Variants in TCF20 observed in about 807,000 individuals in gnomAD.
The protein encoded by TCF20 is transcription factor 20, also known as SPRE-binding protein.
A neutral mutation model predicts 148.6 loss-of-function variants in TCF20; 3 were observed. The ratio of observed to expected loss-of-function variants is 0.02; its 90% CI spans 0.01 to 0.05. The LOEUF is 0.05. TCF20 is among the 10% of genes least tolerant of loss of function. The pLI is 1.00. For synonymous variants in TCF20, 1,049 were observed against 909.5 expected (o/e 1.15, Z -2.76); for missense variants, 2,350 against 2,429.3 (o/e 0.97, Z 0.69).
chr22:42,304,776 G>T (rs1377619127), intron 1 of TCF20, among the ~76,000 whole-genome samples: 1 of 152,072 alleles, frequency 6.6e-6, no homozygotes, highest in Non-Finnish European at 1.5e-5. Context: ...CCATACTGAA[G>T]TGCTAGACTT....
intron 4 of TCF20, 103 bp downstream of exon 4, chr22:42,169,744 G>A: frequency 8.3e-7 from 1 of 1,210,260 alleles, no homozygotes; most frequent in East Asian, 2.4e-5. Context: ...CACAGGTGGG[G>A]ACAGGTGTGG....
chr22:42,248,999 G>A (rs1433190565), intron 1 of TCF20, among the ~76,000 whole-genome samples: 1 of 152,210 alleles, frequency 6.6e-6, no homozygotes, highest in Non-Finnish European at 1.5e-5. Flanking sequence ...GTCTGAGTAG[G>A]CAAGGAGAGC....
chr22:42,181,681 C>T (rs1344232998), intron 2 of TCF20, among the ~76,000 whole-genome samples: 1 of 151,104 alleles, frequency 6.6e-6, no homozygotes, highest in Non-Finnish European at 1.5e-5. Context: ...AATCATGGCT[C>T]ACTGCAGTCT....
At chr22:42,222,334 T>C (rs2143138) in intron 1 of TCF20, among the ~76,000 whole-genome samples, 69,304 of 151,958 alleles carry the variant, frequency 0.46, 16,737 homozygotes, top group South Asian at 0.58. Flanking sequence ...TTTACCATGC[T>C]ACCTCATCAT....
intron 2 of TCF20, among the ~76,000 whole-genome samples, chr22:42,194,133 CT>C (rs1937477879): frequency 6.6e-6 from 1 of 152,086 alleles, no homozygotes; most frequent in Non-Finnish European, 1.5e-5. Context: ...AAAAGTGAGT[CT>C]TTATGTGGCT....
intron 1 of TCF20, among the ~76,000 whole-genome samples, chr22:42,221,388 T>C (rs1302268477): frequency 6.6e-6 from 1 of 152,192 alleles, no homozygotes; most frequent in African/African-American, 2.4e-5. Context: ...CCCTGAATGA[T>C]ACAATTAAAC....
intron 5 of TCF20, among the ~76,000 whole-genome samples, chr22:42,164,663 A>G (rs1935672186): frequency 6.6e-6 from 1 of 152,254 alleles, no homozygotes; most frequent in South Asian, 2.1e-4. Flanking sequence ...AGAGACAGGT[A>G]GTAAACAAGT....
rs566409412 is a variant in TCF20, at chr22:42,223,932, A to G, written c.-36-8591T>C. Reference sequence around the variant, plus strand: ...TAGTGTAATAGGACTTCAGAATAAAATGAAGTGTAATGAAGGTGCTGGCTT... The same window carrying G: ...TAGTGTAATAGGACTTCAGAATAAAGTGAAGTGTAATGAAGGTGCTGGCTT... On this transcript the variant is annotated intron_variant, in intron 1 of 5. Coordinates refer to ENST00000677622, the MANE Select transcript of TCF20 (RefSeq NM_001378418.1). 2.0e-5 allele frequency among the ~76,000 whole-genome samples: 3 copies of G among 152,346 alleles called. No individual in the cohort carries two copies. In the South Asian group the frequency reaches 6.2e-4, roughly 32 times the overall value.
At chr22:42,331,014 A>G (rs376697940) in intron 1 of TCF20, among the ~76,000 whole-genome samples, 33 of 152,052 alleles carry the variant, frequency 2.2e-4, no homozygotes, top group African/African-American at 7.7e-4. Context: ...TCATCCATCG[A>G]GCAGGTGGCA....
At chr22:42,231,685 T>C (rs559055748) in intron 1 of TCF20, among the ~76,000 whole-genome samples, 1 of 152,160 alleles carries the variant, frequency 6.6e-6, no homozygotes, top group South Asian at 2.1e-4. Context: ...ATCCCAGCAT[T>C]TTGAGAGGCC....
chr22:42,194,755 T>C lies in TCF20; in HGVS notation c.5655+14896A>G, dbSNP rs139000896. Among the ~76,000 whole-genome samples, 1,011 of 152,098 alleles carry C rather than the reference T, an allele frequency of 6.6e-3. 2 individuals are homozygous for C. The highest frequency in any genetic ancestry group is 0.012 in the Non-Finnish European group (799 of 67,984). ...AAGCAGCAGAGTGTGGTTCTTGACATGTGCCTATTTCCCCTGCCACTCACG... is the reference window on the plus strand; with the variant it reads ...AAGCAGCAGAGTGTGGTTCTTGACACGTGCCTATTTCCCCTGCCACTCACG... On this transcript the variant is annotated intron_variant, in intron 2 of 5. Transcript: ENST00000677622.
At position 42,279,899 on chromosome 22, in the gene TCF20, C is replaced by T. The variant is rs986781258; in HGVS notation, c.-37+3928G>A. Among the ~76,000 whole-genome samples, 2 of 152,162 alleles carry T rather than the reference C, an allele frequency of 1.3e-5. No homozygotes were observed. Among genetic ancestry groups the T allele is most frequent in the African/African-American group, 4.8e-5 (2 of 41,422 alleles). Reference sequence around the variant, plus strand: ...GCTCCCCAGCCCCGTAGACACCACCCCAGGTGCTCCTCACAGGTGATGGGG... The same window carrying T: ...GCTCCCCAGCCCCGTAGACACCACCTCAGGTGCTCCTCACAGGTGATGGGG... On this transcript the variant is annotated intron_variant, in intron 1 of 5. Transcript: ENST00000359486. The surrounding 1 kb of genome is among the most constrained non-coding windows in gnomAD (Gnocchi z 4.3).
At chr22:42,251,492 CTTTTTTTTTTTTTT>C (rs71184878) in intron 1 of TCF20, among the ~76,000 whole-genome samples, 13 of 47,008 alleles carry the variant, frequency 2.8e-4, no homozygotes, top group African/African-American at 8.1e-4. Context: ...AAACAAGTGT[CTTTTTTTTTTTTTT>C]TTTTTTTTTT....
At position 42,213,024 on chromosome 22, in the gene TCF20, T is replaced by A. The variant is rs915592150; in HGVS notation, c.2282A>T (p.His761Leu). 2.5e-6 allele frequency: 4 copies of A among 1,614,130 alleles called. No homozygotes were observed. The highest frequency in any genetic ancestry group is 3.4e-6 in the Non-Finnish European group (4 of 1,180,004). Reference protein sequence around the residue: ...SLLQEVLQGYHHHPDRRYSRS... With the variant: ...SLLQEVLQGYLHHPDRRYSRS... The stretch of plus-strand genomic sequence containing the variant: ...AGAATATCTCCTGTCAGGGTGGTGG[T>A]GGTAACCCTGAAGCACTTCCTGCAG... The change falls in exon 2 of 6, where the codon CAC becomes CTC. Residue 761 changes from histidine to leucine, a missense_variant. His to Leu is a moderately conservative substitution (Grantham distance 99). Transcript: ENST00000677622.
intron 4 of TCF20, among the ~76,000 whole-genome samples, chr22:42,169,580 T>C (rs1040054274): frequency 2.0e-5 from 3 of 152,186 alleles, no homozygotes; most frequent in Admixed American, 6.5e-5. Context: ...TATTCTCACC[T>C]CTCTTAATGA....
chr22:42,260,857 A>T (rs889995892), intron 1 of TCF20, among the ~76,000 whole-genome samples: 23 of 152,190 alleles, frequency 1.5e-4, no homozygotes, highest in African/African-American at 5.6e-4. Context: ...GGGGAAAAGG[A>T]ATCTAGAACA....
intron 1 of TCF20, among the ~76,000 whole-genome samples, chr22:42,250,390 G>A (rs1925263618): frequency 7.0e-6 from 1 of 143,476 alleles, no homozygotes; most frequent in South Asian, 2.2e-4. Context: ...AGGTTGCAGT[G>A]AGCCGAGACC....
chr22:42,212,928 C>A lies in TCF20; in HGVS notation c.2378G>T (p.Ser793Ile). 6.2e-7 allele frequency: 1 copy of A among 1,614,186 alleles called. No homozygotes were observed. Among genetic ancestry groups the A allele is most frequent in the Non-Finnish European group, 8.5e-7 (1 of 1,180,038 alleles). The change falls in exon 2 of 6, where the codon AGT (serine) becomes ATT (isoleucine). Residue 793 changes from serine (S) to isoleucine (I), a missense_variant. Physicochemically the swap from Ser to Ile is moderately radical, Grantham distance 142. This residue lies in a region of TCF20 where 1,641 missense variants were observed against 1,662.6 expected (regional missense o/e 0.99). Transcript: ENST00000677622. ...EGTTRPNVLV[S>I]QTNELASRGL... ...CCTGCTAGCTAATTCATTGGTTTGACTAACCAAGACATTGGGCCTTGTGGT... is the reference window on the plus strand; with the variant it reads ...CCTGCTAGCTAATTCATTGGTTTGAATAACCAAGACATTGGGCCTTGTGGT...
At chr22:42,327,280 G>T (rs1369933727) in intron 1 of TCF20, among the ~76,000 whole-genome samples, 2 of 152,210 alleles carry the variant, frequency 1.3e-5, no homozygotes, top group African/African-American at 4.8e-5. Context: ...ATCCCCAGGT[G>T]GGGAGAGGCC....
Sources: gnomAD v4.1 joint callset for allele counts (sites outside exome capture counted in the v4.1 genomes callset) on GRCh38, gnomAD v4.1.1 for gene constraint, gnomAD v4.1.1 regional missense constraint, Gnocchi (gnomAD v3.1) non-coding constraint, MANE v1.5 for transcripts, NCBI Gene and HGNC (gene_info 2026-07-23, HGNC 2026-07-21) for gene names.